Variants in MICU1 observed in about 807,000 individuals in gnomAD.
The protein encoded by MICU1 is mitochondrial calcium uptake 1, also known as calcium uptake protein 1, mitochondrial.
MICU1 carries 45 observed loss-of-function variants against 56.8 expected under a neutral mutation model. That is an observed-to-expected ratio of 0.79 (90% CI 0.62 to 1.02). MICU1 has a LOEUF of 1.02. MICU1 is among the 50% of genes least tolerant of loss of function. The pLI is 0.00. For missense variants in MICU1, 504 were observed against 587.1 expected (o/e 0.86, Z 1.46); for synonymous variants, 186 against 195.1 (o/e 0.95, Z 0.39).
At chr10:72,493,633 T>C (rs541073643) in intron 6 of MICU1, among the ~76,000 whole-genome samples, 1 of 152,166 alleles carries the variant, frequency 6.6e-6, no homozygotes, top group African/African-American at 2.4e-5. Context: ...GTGTATTTTT[T>C]GTAGAGACAT....
chr10:72,413,228 C>T (rs1300664373), intron 9 of MICU1, among the ~76,000 whole-genome samples: 1 of 151,626 alleles, frequency 6.6e-6, no homozygotes, highest in Non-Finnish European at 1.5e-5. Context: ...AAAAACAAAA[C>T]AAAACAAAAC....
intron 1 of MICU1, among the ~76,000 whole-genome samples, chr10:72,569,226 TATATATATATA>T (rs1298730234): frequency 4.3e-4 from 23 of 53,046 alleles, no homozygotes; most frequent in African/African-American, 1.6e-3. Flanking sequence ...TATATATATA[TATATATATATA>T]TTTTTTTTTT....
At position 72,443,875 on chromosome 10, in the gene MICU1, T is replaced by C. The variant is rs1297857205; in HGVS notation, c.934-20504A>G. On this transcript the variant is annotated intron_variant, in intron 8 of 11. Coordinates refer to ENST00000361114, the MANE Select transcript of MICU1 (RefSeq NM_001195518.2). ...GACCCAGCCATCCCATTACTGGGTATATACCCAAAGGACTATAAATCATGC... is the reference window on the plus strand; with the variant it reads ...GACCCAGCCATCCCATTACTGGGTACATACCCAAAGGACTATAAATCATGC... 3.3e-5 allele frequency among the ~76,000 whole-genome samples: 5 copies of C among 151,910 alleles called. No individual in the cohort carries two copies. In the East Asian group the frequency reaches 9.7e-4, roughly 29 times the overall value.
chr10:72,416,139 G>GGAT (rs1312779410), intron 9 of MICU1, among the ~76,000 whole-genome samples: 1 of 152,052 alleles, frequency 6.6e-6, no homozygotes, highest in African/African-American at 2.4e-5. Flanking sequence ...GGAATGTGTA[G>GGAT]GATCTTGAGG....
At chr10:72,427,708 T>G (rs1238776743) in intron 8 of MICU1, among the ~76,000 whole-genome samples, 1 of 146,956 alleles carries the variant, frequency 6.8e-6, no homozygotes, top group Non-Finnish European at 1.5e-5. Context: ...AAGACCAGCT[T>G]CAGCATCATA....
At chr10:72,507,819 T>A (rs928264730) in intron 6 of MICU1, among the ~76,000 whole-genome samples, 1 of 152,154 alleles carries the variant, frequency 6.6e-6, no homozygotes, top group Admixed American at 6.6e-5. Context: ...GGTTTCACCA[T>A]GTTGCCCAGG....
At chr10:72,556,079 G>C (rs1409427594) in intron 3 of MICU1, among the ~76,000 whole-genome samples, 1 of 152,208 alleles carries the variant, frequency 6.6e-6, no homozygotes, top group East Asian at 1.9e-4. Context: ...CAGGCAGAAA[G>C]GTTTTGTAAA....
At chr10:72,455,259 G>A (rs1158092767) in intron 8 of MICU1, among the ~76,000 whole-genome samples, 1 of 148,132 alleles carries the variant, frequency 6.8e-6, no homozygotes, top group Admixed American at 6.9e-5. Context: ...GGCTGAGGCA[G>A]GAAAAGCTTG....
At position 72,406,035 on chromosome 10, in the gene MICU1, AAGG is replaced by A. The variant is rs148476209; in HGVS notation, c.1180+1891_1180+1893del. Among the ~76,000 whole-genome samples, 317 of 152,210 alleles carry A rather than the reference AAGG, an allele frequency of 2.1e-3. 1 individual carries two copies. Among genetic ancestry groups the A allele is most frequent in the African/African-American group, 6.8e-3 (284 of 41,574 alleles). Reference sequence around the variant, plus strand: ...AAAAGCCATAAATTTTTTTTTAAAAAAGGAGATGAAACTATCTCTGTTTGAAGA... The same window carrying A: ...AAAAGCCATAAATTTTTTTTTAAAAAAGATGAAACTATCTCTGTTTGAAGA... On this transcript the variant is annotated intron_variant, in intron 10 of 11. Transcript: ENST00000361114.
chr10:72,613,018 T>TAA (rs1841891178), intron 1 of MICU1, among the ~76,000 whole-genome samples: 2 of 152,070 alleles, frequency 1.3e-5, no homozygotes, highest in Admixed American at 1.3e-4. Flanking sequence ...GCAAGTTGTT[T>TAA]AAATGGCCTC....
chr10:72,500,385 C>T (rs573682588), intron 6 of MICU1, among the ~76,000 whole-genome samples: 1 of 140,078 alleles, frequency 7.1e-6, no homozygotes, highest in South Asian at 2.4e-4. Context: ...GTGATCTCAG[C>T]TCACTGCCGG....
At chr10:72,500,765 C>A (rs1278193571) in intron 6 of MICU1, among the ~76,000 whole-genome samples, 5 of 152,092 alleles carry the variant, frequency 3.3e-5, no homozygotes, top group Non-Finnish European at 7.4e-5. Context: ...TGGCCAAGGG[C>A]CAAATTCTAA....
rs770254133 is a variant in MICU1, at chr10:72,563,015, G to A, written c.210C>T (p.Ile70=). 24 of 1,602,980 alleles carry A rather than the reference G, an allele frequency of 1.5e-5. No individual in the cohort carries two copies. The highest frequency in any genetic ancestry group is 5.1e-5 in the Admixed American group (3 of 58,276). The change falls in exon 3 of 12, where the codon ATC becomes ATT. Residue 70 remains isoleucine (I), a synonymous_variant. Transcript: ENST00000361114. ...PPCVDNLKSD[I]GDKGKNKDEG... ...CATCTTTATTCTTCCCTTTATCACC[G>A]ATGTCACTTTTTAGGTTGTCTACAC...
chr10:72,581,089 C>T (rs1589363776), intron 1 of MICU1, among the ~76,000 whole-genome samples: 1 of 152,164 alleles, frequency 6.6e-6, no homozygotes, highest in East Asian at 1.9e-4. Flanking sequence ...CTTAGTGCTC[C>T]ACAACACAGA....
intron 9 of MICU1, among the ~76,000 whole-genome samples, chr10:72,416,495 G>A (rs7918530): frequency 0.072 from 10,893 of 152,158 alleles, 1,338 homozygotes; most frequent in African/African-American, 0.25. Context: ...GAGAATAAGT[G>A]AAAAAGGAGA....
intron 6 of MICU1, among the ~76,000 whole-genome samples, chr10:72,499,262 T>C (rs1473758667): frequency 6.6e-6 from 1 of 152,198 alleles, no homozygotes; most frequent in Non-Finnish European, 1.5e-5. Context: ...TTAAAAAATA[T>C]TTTAATATTC....
In MICU1 at chr10:72,480,959, T is replaced by C. The variant is rs897670821; in HGVS notation, c.653-3703A>G. 8.5e-5 allele frequency among the ~76,000 whole-genome samples: 13 copies of C among 152,230 alleles called. 1 individual carries two copies. Among genetic ancestry groups the C allele is most frequent in the Non-Finnish European group, 1.8e-4 (12 of 68,038 alleles). The stretch of plus-strand genomic sequence containing the variant: ...TCTCTGTCTTTTTATCCTGGTATAG[T>C]TCCTTTCAAAGTACTGGCTTTATGT... On this transcript the variant is annotated intron_variant, in intron 6 of 11. Coordinates refer to ENST00000361114, the MANE Select transcript of MICU1 (RefSeq NM_001195518.2).
chr10:72,620,609 T>C (rs890942516), intron 1 of MICU1, among the ~76,000 whole-genome samples: 6 of 152,214 alleles, frequency 3.9e-5, no homozygotes, highest in Non-Finnish European at 7.3e-5. Flanking sequence ...AATTTTCTCA[T>C]AGTAAAACCC....
intron 8 of MICU1, among the ~76,000 whole-genome samples, chr10:72,439,225 G>C (rs1456112179): frequency 6.6e-6 from 1 of 152,166 alleles, no homozygotes; most frequent in Non-Finnish European, 1.5e-5. Flanking sequence ...CTTCATCCCT[G>C]GGATGCAAGG....
Sources: allele counts gnomAD v4.1 joint callset (sites outside exome capture counted in the v4.1 genomes callset), GRCh38; gene constraint gnomAD v4.1.1; transcripts MANE v1.5; gene names NCBI Gene and HGNC (gene_info 2026-07-23, HGNC 2026-07-21).